The following CCDC61 variants were observed in gnomAD, a reference collection of about 807,000 sequenced individuals.
CCDC61 encodes coiled-coil domain containing 61, also known as centrosomal protein CCDC61.
Under a neutral mutation model 63.0 loss-of-function variants are expected in CCDC61, and 55 were observed. That is an observed-to-expected ratio of 0.87 (90% confidence interval 0.70 to 1.09). The LOEUF (loss-of-function observed/expected upper bound fraction) is 1.09. Among genes scored for constraint, CCDC61 ranks in the 50% least tolerant of loss-of-function variants. CCDC61 has a pLI of 0.00. For synonymous variants in CCDC61, 270 were observed against 317.0 expected, an observed-to-expected ratio of 0.85 and a Z score of 1.58; for missense variants, 651 against 731.4, an observed-to-expected ratio of 0.89 and a Z score of 1.27.
chr19:46,013,275 T>G (rs1296322516), intron 5 of CCDC61, among the ~76,000 whole-genome samples: 1 of 152,044 alleles, frequency 6.6e-6, no homozygotes, highest in African/African-American at 2.4e-5. Flanking sequence ...CTGCCTGCCT[T>G]GGCCTCCCAA....
At chr19:46,006,508 C>A in intron 3 of CCDC61, 51 bp from the exon 4 acceptor site, 1 of 1,468,816 alleles carries the variant, frequency 6.8e-7, no homozygotes, top group South Asian at 1.4e-5. Flanking sequence ...AGGTGCCCTC[C>A]GTGTGGCAGT....
At chr19:46,001,978 CCT>C (rs1479045061) in intron 1 of CCDC61, among the ~76,000 whole-genome samples, 2 of 152,152 alleles carry the variant, frequency 1.3e-5, no homozygotes, top group South Asian at 2.1e-4. Flanking sequence ...GGAGTCTCCC[CCT>C]GTCGCCAGGC....
Position 46,015,020 on chromosome 19 carries a change from C to T in CCDC61, c.552-29C>T. 1 of 1,484,372 alleles carries T rather than the reference C, an allele frequency of 6.7e-7. No homozygotes were observed. The highest frequency in any genetic ancestry group is 1.5e-5 in the African/African-American group (1 of 68,942). The allele number at this position is 1,484,372 out of a possible 1,614,324, so 92.0% of individuals were successfully genotyped here. Reference sequence around the variant, plus strand: ...AGTGGGAATGGGGCCATGCCTCTCTCTCCAGCGCTCTCTCCGCGTCTTCCC... The same window carrying T: ...AGTGGGAATGGGGCCATGCCTCTCTTTCCAGCGCTCTCTCCGCGTCTTCCC... On this transcript the variant is annotated intron_variant, in intron 5 of 13. Coordinates refer to ENST00000595358, the MANE Select transcript of CCDC61 (RefSeq NM_001267723.2). The surrounding 1 kb of genome is among the most constrained non-coding windows in gnomAD (Gnocchi z 5.3).
At chr19:45,995,540 T>G in intron 1 of CCDC61, 36 bp downstream of exon 1, 1 of 491,690 alleles carries the variant, frequency 2.0e-6, no homozygotes, top group Non-Finnish European at 4.2e-6. Context: ...GCGCGGGCCG[T>G]GGTGGAGGTC....
chr19:46,015,931 A>C lies in CCDC61; in HGVS notation c.846-123A>C. On this transcript the variant is annotated intron_variant, in intron 7 of 13. Coordinates refer to ENST00000595358, the MANE Select transcript of CCDC61 (RefSeq NM_001267723.2). This position sits in a 1 kb window ranked among gnomAD's most constrained non-coding sequence, Gnocchi z 5.3. The stretch of plus-strand genomic sequence containing the variant: ...ATATCGAGAGGGTCATGGGCCCAGG[A>C]GTGCACGTCTAGGAGTTGATGGGGT... The C allele has an allele frequency of 2.7e-4, 198 of 725,846 alleles. No individual in the cohort carries two copies. Among genetic ancestry groups the C allele is most frequent in the Non-Finnish European group, 3.5e-4 (187 of 530,658 alleles). 45.0% of individuals were successfully genotyped at this position (725,846 alleles called of 1,614,324 possible). A position where few individuals can be genotyped will look rare whatever the true frequency, so the allele number is the denominator to read the frequency against.
chr19:46,001,299 T>G (rs1968587060), intron 1 of CCDC61, among the ~76,000 whole-genome samples: 1 of 152,196 alleles, frequency 6.6e-6, no homozygotes, highest in East Asian at 1.9e-4. Flanking sequence ...TGATCTTGGC[T>G]CACAGCAACC....
intron 5 of CCDC61, among the ~76,000 whole-genome samples, chr19:46,013,922 G>A (rs1467933147): frequency 1.3e-5 from 2 of 151,466 alleles, no homozygotes; most frequent in African/African-American, 4.9e-5. Context: ...GCTATATCCC[G>A]CTTGCTCAAA....
At chr19:46,011,877 A>T (rs569196745) in intron 5 of CCDC61, among the ~76,000 whole-genome samples, 1 of 152,088 alleles carries the variant, frequency 6.6e-6, no homozygotes, top group Non-Finnish European at 1.5e-5. Flanking sequence ...ATCTCTGCTC[A>T]CTGCAACCTC....
At chr19:46,017,125 A>C in intron 11 of CCDC61, 56 bp downstream of exon 11, 1 of 1,570,558 alleles carries the variant, frequency 6.4e-7, no homozygotes, top group Admixed American at 1.8e-5. Flanking sequence ...GGGAGACTAG[A>C]AACAGTCTTT....
chr19:46,004,060 T>A (rs543351070), intron 3 of CCDC61, among the ~76,000 whole-genome samples: 1 of 152,056 alleles, frequency 6.6e-6, no homozygotes, highest in South Asian at 2.1e-4. Flanking sequence ...TGCCTCAGCC[T>A]CCTGAGTAGC....
At position 46,018,342 on chromosome 19, in the gene CCDC61, G is replaced by A. The variant is rs1163960225; in HGVS notation, c.1494G>A (p.Leu498=). Residue 498 remains leucine (L), a synonymous_variant, in exon 14 of 14, where the codon CTG becomes CTA. Coordinates refer to ENST00000595358, the MANE Select transcript of CCDC61 (RefSeq NM_001267723.2). The surrounding 1 kb of genome is among the most constrained non-coding windows in gnomAD (Gnocchi z 4.2). The part of the protein sequence containing the change: ...AADMAEIDAR[L]KALQEYMNRL... ...ACATGGCCGAAATAGACGCACGCCT[G>A]AAGGCCTTGCAGGAGTACATGAACC... The A allele has an allele frequency of 6.3e-7, 1 of 1,577,398 alleles. No individual in the cohort carries two copies. Among genetic ancestry groups the A allele is most frequent in the Non-Finnish European group, 8.6e-7 (1 of 1,161,974 alleles).
chr19:46,002,148 T>C (rs951459380), intron 1 of CCDC61, among the ~76,000 whole-genome samples: 1 of 151,520 alleles, frequency 6.6e-6, no homozygotes, highest in African/African-American at 2.4e-5. Flanking sequence ...GTTTCACCAT[T>C]GTTGGCCAGG....
At position 46,016,989 on chromosome 19, in the gene CCDC61, A is replaced by G. The variant is rs761630220; in HGVS notation, c.1232-2A>G. 4 of 1,610,570 alleles carry G rather than the reference A, an allele frequency of 2.5e-6. No individual in the cohort carries two copies. The highest frequency in any genetic ancestry group is 3.4e-6 in the Non-Finnish European group (4 of 1,178,560). ...GCGGTCACGCCCTCCGTCTCCCTCT[A>G]GTGGACAGTTTCCGCAGCCGCTGCT... On this transcript the variant is annotated splice_acceptor_variant, in intron 10 of 13. Coordinates refer to ENST00000595358, the MANE Select transcript of CCDC61 (RefSeq NM_001267723.2). LOFTEE classifies it high-confidence loss of function. This position sits in a 1 kb window ranked among gnomAD's most constrained non-coding sequence, Gnocchi z 7.2.
At chr19:46,017,527 G>T (rs1369190204) in intron 12 of CCDC61, among the ~76,000 whole-genome samples, 4 of 145,480 alleles carry the variant, frequency 2.7e-5, no homozygotes, top group Non-Finnish European at 6.1e-5. Context: ...GGCCTATGGA[G>T]TAGCTGGGAC....
intron 3 of CCDC61, among the ~76,000 whole-genome samples, chr19:46,004,226 C>T (rs1968653266): frequency 6.6e-6 from 1 of 152,152 alleles, no homozygotes; most frequent in Non-Finnish European, 1.5e-5. Context: ...AGACGTGAAC[C>T]ACTGCGCCCA....
chr19:46,015,232 C>T lies in CCDC61; in HGVS notation c.735C>T (p.Gly245=). The change falls in exon 6 of 14, where the codon GGC becomes GGT. Residue 245 remains glycine, a synonymous_variant. Coordinates refer to ENST00000595358, the MANE Select transcript of CCDC61 (RefSeq NM_001267723.2). The surrounding 1 kb of genome is among the most constrained non-coding windows in gnomAD (Gnocchi z 5.3). ...GLGHRVAGRR[G]QDCRRLAKEL... ...GGCACAGGGTGGCCGGCCGTCGCGG[C>T]CAGGACTGCCGCCGTCTGGCCAAGG... 7.3e-7 allele frequency: 1 copy of T among 1,369,664 alleles called. No individual in the cohort carries two copies. 84.8% of individuals were successfully genotyped at this position (1,369,664 alleles called of 1,614,324 possible).
chr19:46,017,303 T>A lies in CCDC61; in HGVS notation c.1367T>A (p.Met456Lys). ...PSPTPWSGSN[M>K]KSPPVERSHH... ...CCAACGCCCTGGAGTGGGTCCAATA[T>A]GGTGAGTAGAAGGGGCAACATAAAC... Residue 456 changes from methionine (M) to lysine (K), a missense_variant and splice_region_variant, in exon 12 of 14, where the codon ATG becomes AAG. Physicochemically the swap from Met to Lys is moderately conservative, Grantham distance 95 (BLOSUM62 -1). Coordinates refer to ENST00000595358, the MANE Select transcript of CCDC61 (RefSeq NM_001267723.2). 1 of 1,560,272 alleles carries A rather than the reference T, an allele frequency of 6.4e-7. No individual in the cohort carries two copies. Among genetic ancestry groups the A allele is most frequent in the East Asian group, 2.4e-5 (1 of 41,774 alleles).
At chr19:46,014,154 C>T (rs1352984156) in intron 5 of CCDC61, among the ~76,000 whole-genome samples, 1 of 151,916 alleles carries the variant, frequency 6.6e-6, no homozygotes, top group Non-Finnish European at 1.5e-5. Flanking sequence ...ATTTTTACTT[C>T]TGGTTTTCTT....
chr19:46,009,642 A>C (rs1968785285), intron 5 of CCDC61, among the ~76,000 whole-genome samples: 2 of 152,324 alleles, frequency 1.3e-5, no homozygotes, highest in South Asian at 4.1e-4. Context: ...CTGCAAGCCC[A>C]GGACAGAGCG....
Sources: allele counts gnomAD v4.1 joint callset (sites outside exome capture counted in the v4.1 genomes callset), GRCh38; gene constraint gnomAD v4.1.1; non-coding constraint Gnocchi (gnomAD v3.1); transcripts MANE v1.5; gene names NCBI Gene and HGNC (gene_info 2026-07-23, HGNC 2026-07-21).